PCDHGA7: variants seen among roughly 807,000 people sequenced by gnomAD.
The protein encoded by PCDHGA7 is protocadherin gamma-A7.
Under a neutral mutation model 58.3 loss-of-function variants are expected in PCDHGA7, and 44 were observed. The ratio of observed to expected loss-of-function variants is 0.75; its 90% CI spans 0.59 to 0.97. The LOEUF (loss-of-function observed/expected upper bound fraction) is 0.97. Among genes scored for constraint, PCDHGA7 ranks in the 50% least tolerant of loss-of-function variants. The pLI is 0.00. For synonymous variants in PCDHGA7, 516 were observed against 504.2 expected (o/e 1.02, Z -0.31); for missense variants, 1,266 against 1,188.7 (o/e 1.06, Z -0.96).
At chr5:141,466,036 G>A (rs981390655) in intron 1 of PCDHGA7, among the ~76,000 whole-genome samples, 17 of 152,064 alleles carry the variant, frequency 1.1e-4, no homozygotes, top group Non-Finnish European at 2.5e-4. Flanking sequence ...GCAGGAGAAC[G>A]GCATGAACCC....
intron 1 of PCDHGA7, chr5:141,413,618 A>G (rs1188549125): frequency 6.2e-7 from 1 of 1,613,916 alleles, no homozygotes; most frequent in Non-Finnish European, 8.5e-7. Context: ...AAAATTAATG[A>G]AAATGTCGCT....
chr5:141,388,663 C>A (rs770660956), intron 1 of PCDHGA7: 1 of 1,613,928 alleles, frequency 6.2e-7, no homozygotes, highest in Non-Finnish European at 8.5e-7. Context: ...CCGGGGACCA[C>A]GGTGCTACAG....
rs1454395834 is a variant in PCDHGA7, at chr5:141,413,223, G to A, written c.2424+27900G>A. The stretch of plus-strand genomic sequence containing the variant: ...CAAAGGAATCAAAGGATTGCAGCGG[G>A]CTGGTCCTGCTCTGCCTTTTCTTCG... On this transcript the variant is annotated intron_variant, in intron 1 of 3. Transcript: ENST00000518325. 4 of 1,613,694 alleles carry A rather than the reference G, an allele frequency of 2.5e-6. No individual in the cohort carries two copies. In the African/African-American group the frequency reaches 4.0e-5, roughly 16 times the overall value.
intron 1 of PCDHGA7, chr5:141,390,450 T>A: frequency 1.2e-6 from 1 of 822,586 alleles, no homozygotes; most frequent in Non-Finnish European, 1.9e-6. Context: ...AAAGGAGGAG[T>A]AAAGTAGGAG....
intron 1 of PCDHGA7, among the ~76,000 whole-genome samples, chr5:141,492,336 A>G (rs1353947767): frequency 1.3e-5 from 2 of 152,072 alleles, no homozygotes; most frequent in East Asian, 3.9e-4. Context: ...TTACGCGAAT[A>G]CCAGCTTTCA....
At chr5:141,488,691 G>A (rs1443084778) in intron 1 of PCDHGA7, among the ~76,000 whole-genome samples, 2 of 152,192 alleles carry the variant, frequency 1.3e-5, no homozygotes, top group Non-Finnish European at 2.9e-5. Flanking sequence ...CTCCCAGAAG[G>A]ACAAGATTTT....
intron 1 of PCDHGA7, chr5:141,393,878 A>C: frequency 1.9e-6 from 3 of 1,614,022 alleles, no homozygotes; most frequent in Non-Finnish European, 2.5e-6. Context: ...TGTTTAGCCC[A>C]GTGTTAGAAA....
rs745612756 is a variant in PCDHGA7 at position 141,487,150 on chromosome 5, T to C, written c.2425-7657T>C. The C allele has an allele frequency of 1.1e-5, 17 of 1,613,960 alleles. No individual in the cohort carries two copies. In the South Asian group the frequency reaches 1.6e-4, roughly 16 times the overall value. On this transcript the variant is annotated intron_variant, in intron 1 of 3. Transcript: ENST00000518325. This position sits in a 1 kb window ranked among gnomAD's most constrained non-coding sequence, Gnocchi z 5.0. The stretch of plus-strand genomic sequence containing the variant: ...GTAGTCCACCACTCTCTACCTCTGT[T>C]ACTCTCTTAGTGTCCTTAGAGGAAG...
At chr5:141,473,623 A>T (rs186624707) in intron 1 of PCDHGA7, among the ~76,000 whole-genome samples, 8 of 152,280 alleles carry the variant, frequency 5.3e-5, no homozygotes, top group Non-Finnish European at 1.5e-5. Flanking sequence ...GAGGGAGGAA[A>T]AAGCAGCTTT....
rs779391932 is a variant in PCDHGA7, at chr5:141,419,996, C to T, written c.2424+34673C>T. Reference sequence around the variant, plus strand: ...CCTCGCGGTGATTCTAGCTATTGCTCTACGCCTGCGACAGTCTTTCAGCCC... The same window carrying T: ...CCTCGCGGTGATTCTAGCTATTGCTTTACGCCTGCGACAGTCTTTCAGCCC... On this transcript the variant is annotated intron_variant, in intron 1 of 3. Coordinates refer to ENST00000518325, the MANE Select transcript of PCDHGA7 (RefSeq NM_018920.4). 10 of 1,613,966 alleles carry T rather than the reference C, an allele frequency of 6.2e-6. No homozygotes were observed. In the East Asian group the frequency reaches 2.2e-4, roughly 36 times the overall value.
Position 141,383,634 on chromosome 5 carries a change from T to G in PCDHGA7, c.735T>G (p.Pro245=), listed in dbSNP as rs1364470063. ...VNDHTPVFSL[P]QYQVTVPENV... is the part of the protein sequence containing the mutation. ...ACCACACGCCTGTCTTCTCTCTGCC[T>G]CAGTACCAAGTAACTGTCCCCGAGA... The change falls in exon 1 of 4, where the codon CCT becomes CCG. Residue 245 remains proline, a synonymous_variant. Coordinates refer to ENST00000518325, the MANE Select transcript of PCDHGA7 (RefSeq NM_018920.4). 1 of 1,613,914 alleles carries G rather than the reference T, an allele frequency of 6.2e-7. No homozygotes were observed. Among genetic ancestry groups the G allele is most frequent in the African/African-American group, 1.3e-5 (1 of 75,052 alleles).
intron 1 of PCDHGA7, chr5:141,404,304 C>T (rs1182256144): frequency 1.2e-6 from 2 of 1,613,858 alleles, no homozygotes; most frequent in African/African-American, 2.7e-5. Flanking sequence ...AATCCACCTG[C>T]TTTCTCTCAA....
intron 1 of PCDHGA7, chr5:141,422,576 CTCCCGTTTT>C: frequency 6.2e-7 from 1 of 1,614,034 alleles, no homozygotes; most frequent in African/African-American, 1.3e-5. Context: ...AACGATAACC[CTCCCGTTTT>C]TCCTCACTCC....
At position 141,487,769 on chromosome 5, in the gene PCDHGA7, T is replaced by C. The variant is rs775270506; in HGVS notation, c.2425-7038T>C. Reference sequence around the variant, plus strand: ...TAACTATGTGGTAGACGCTGTGCTTTGTAACTGTTTCGTGAATTAACCAGA... The same window carrying C: ...TAACTATGTGGTAGACGCTGTGCTTCGTAACTGTTTCGTGAATTAACCAGA... On this transcript the variant is annotated intron_variant, in intron 1 of 3. Transcript: ENST00000518325. The surrounding 1 kb of genome is among the most constrained non-coding windows in gnomAD (Gnocchi z 5.0). 8 of 1,538,288 alleles carry C rather than the reference T, an allele frequency of 5.2e-6. No homozygotes were observed. The highest frequency in any genetic ancestry group is 1.2e-5 in the South Asian group (1 of 82,608).
intron 1 of PCDHGA7, chr5:141,412,841 G>C (rs1285924844): frequency 4.9e-6 from 1 of 205,932 alleles, no homozygotes; most frequent in East Asian, 1.1e-4. Flanking sequence ...AAAGATAGGA[G>C]TGGAGAAACC....
chr5:141,466,746 T>C (rs1035272591), intron 1 of PCDHGA7, among the ~76,000 whole-genome samples: 1 of 152,224 alleles, frequency 6.6e-6, no homozygotes, highest in African/African-American at 2.4e-5. Context: ...GTTACTCTGA[T>C]AGGGGCTCTT....
intron 1 of PCDHGA7, among the ~76,000 whole-genome samples, chr5:141,445,851 A>G (rs957077325): frequency 2.0e-5 from 3 of 152,210 alleles, no homozygotes; most frequent in African/African-American, 7.2e-5. Context: ...CACACTTAAA[A>G]TTCTGGATTT....
intron 1 of PCDHGA7, chr5:141,399,919 G>A: frequency 6.2e-7 from 1 of 1,612,300 alleles, no homozygotes; most frequent in Non-Finnish European, 8.5e-7. Flanking sequence ...AGGACACAAC[G>A]CCTGGCTGTC....
At position 141,384,825 on chromosome 5, in the gene PCDHGA7, C is replaced by G. The variant is rs570988671; in HGVS notation, c.1926C>G (p.Leu642=). 6.2e-7 allele frequency: 1 copy of G among 1,613,356 alleles called. No individual in the cohort carries two copies. The highest frequency in any genetic ancestry group is 8.5e-7 in the Non-Finnish European group (1 of 1,179,926). ...ACAGAGATGCCCTCAAGCAGAGCCT[C>G]GTGGTGGCCGTCCAGGACCACGGTC... ...LLDRDALKQS[L]VVAVQDHGQP... The change falls in exon 1 of 4, where the codon CTC becomes CTG. Residue 642 remains leucine, a synonymous_variant. Coordinates refer to ENST00000518325, the MANE Select transcript of PCDHGA7 (RefSeq NM_018920.4).
Sources: gnomAD v4.1 joint callset for allele counts (sites outside exome capture counted in the v4.1 genomes callset) on GRCh38, gnomAD v4.1.1 for gene constraint, Gnocchi (gnomAD v3.1) non-coding constraint, MANE v1.5 for transcripts, NCBI Gene and HGNC (gene_info 2026-07-23, HGNC 2026-07-21) for gene names.